Variants in DHRS7B observed in about 807,000 individuals in gnomAD.
The protein encoded by DHRS7B is dehydrogenase/reductase 7B.
In DHRS7B, 24 loss-of-function variants were observed where a neutral mutation model predicts 26.4. The ratio of observed to expected loss-of-function variants is 0.91; its 90% CI spans 0.66 to 1.28. The LOEUF is 1.28. DHRS7B is among the 50% of genes most tolerant of loss of function. The pLI, the probability that DHRS7B is intolerant of heterozygous loss-of-function variation, is 0.00. For synonymous variants in DHRS7B, 142 were observed against 166.4 expected (o/e 0.85, Z 1.13); for missense variants, 368 against 419.4 (o/e 0.88, Z 1.07).
chr17:21,149,641 G>A (rs1164021327), intron 1 of DHRS7B, among the ~76,000 whole-genome samples: 1 of 151,656 alleles, frequency 6.6e-6, no homozygotes, highest in Non-Finnish European at 1.5e-5. Context: ...AGTGTAGAGG[G>A]AGTTTTTTAA....
At chr17:21,173,128 A>T (rs918154784) in intron 2 of DHRS7B, among the ~76,000 whole-genome samples, 2 of 152,244 alleles carry the variant, frequency 1.3e-5, no homozygotes, top group African/African-American at 4.8e-5. Context: ...GAACAAACAG[A>T]TGAAAGACAG....
chr17:21,178,009 C>T (rs947733936), intron 2 of DHRS7B, among the ~76,000 whole-genome samples: 2 of 152,232 alleles, frequency 1.3e-5, no homozygotes, highest in Non-Finnish European at 2.9e-5. Context: ...ATACTTAACA[C>T]ATCTGTCCAC....
At chr17:21,190,923 G>A (rs1974763112) in intron 6 of DHRS7B, 25 bp from the exon 7 acceptor site, 2 of 1,612,036 alleles carry the variant, frequency 1.2e-6, no homozygotes, top group South Asian at 1.1e-5. Flanking sequence ...AAGTTCATGT[G>A]TTTCTTTTGT....
chr17:21,151,001 C>T (rs894082081), intron 1 of DHRS7B, among the ~76,000 whole-genome samples: 4 of 152,108 alleles, frequency 2.6e-5, no homozygotes, highest in Non-Finnish European at 5.9e-5. Flanking sequence ...TTTGTGAGCT[C>T]CAAGTAGGAC....
chr17:21,147,917 G>A (rs1458220867), intron 1 of DHRS7B, among the ~76,000 whole-genome samples: 1 of 152,044 alleles, frequency 6.6e-6, no homozygotes, highest in Non-Finnish European at 1.5e-5. Context: ...AGTGTGGGAG[G>A]ATCAAGAATT....
intron 1 of DHRS7B, among the ~76,000 whole-genome samples, chr17:21,138,085 T>TACACACAC (rs1567616058): frequency 2.3e-4 from 15 of 65,140 alleles, no homozygotes; most frequent in African/African-American, 8.2e-4. Context: ...AATATATATA[T>TACACACAC]ATATATATAT....
chr17:21,179,885 G>T (rs1290026275), intron 3 of DHRS7B, among the ~76,000 whole-genome samples: 1 of 151,310 alleles, frequency 6.6e-6, no homozygotes, highest in Non-Finnish European at 1.5e-5. Context: ...TCCTGCCTCA[G>T]CCTCCCAAGT....
chr17:21,171,631 G>C (rs1006041407), intron 1 of DHRS7B: 1 of 326,584 alleles, frequency 3.1e-6, no homozygotes, highest in African/African-American at 2.1e-5. Flanking sequence ...AAGTATTCAG[G>C]GATTGAAAAT....
At chr17:21,157,766 C>T (rs1179796478) in intron 1 of DHRS7B, among the ~76,000 whole-genome samples, 3 of 151,852 alleles carry the variant, frequency 2.0e-5, no homozygotes, top group African/African-American at 7.3e-5. Context: ...CTTTGGGAGG[C>T]AAAATGGTGA....
rs577733383 is a variant in DHRS7B, at chr17:21,188,790, C to T, written c.699C>T (p.Thr233=). 9.9e-6 allele frequency: 16 copies of T among 1,614,026 alleles called. 1 individual carries two copies. In the South Asian group the frequency reaches 1.6e-4, roughly 17 times the overall value. ...AEMEQYEIEV[T]VISPGYIHTN... The stretch of plus-strand genomic sequence containing the variant: ...TGGAACAGTATGAAATTGAGGTGAC[C>T]GTCATCAGCCCCGGCTACATCCACA... Residue 233 remains threonine (T), a synonymous_variant, in exon 6 of 7, where the codon ACC becomes ACT. Transcript: ENST00000395511.
intron 1 of DHRS7B, among the ~76,000 whole-genome samples, chr17:21,137,714 C>T (rs1452251369): frequency 1.3e-5 from 2 of 151,990 alleles, no homozygotes; most frequent in African/African-American, 4.8e-5. Flanking sequence ...GCCTCGGCCT[C>T]CCAAAGTGCT....
chr17:21,152,151 TG>T (rs1973786007), intron 1 of DHRS7B, among the ~76,000 whole-genome samples: 1 of 152,120 alleles, frequency 6.6e-6, no homozygotes, highest in African/African-American at 2.4e-5. Context: ...CTTCGGGTGT[TG>T]TTTTTTTATT....
intron 1 of DHRS7B, among the ~76,000 whole-genome samples, chr17:21,164,288 C>T (rs1597746018): frequency 1.3e-5 from 2 of 152,044 alleles, no homozygotes; most frequent in East Asian, 1.9e-4. Context: ...GCCTCAGCCT[C>T]CTGAGTAGCT....
Position 21,155,799 on chromosome 17 carries a change from C to A in DHRS7B, c.21-16219C>A, listed in dbSNP as rs184735460. The stretch of plus-strand genomic sequence containing the variant: ...ACCACGATGGAATTGAACTAGAAAT[C>A]AGTAACAGAAAGATAACTGGAAATC... On this transcript the variant is annotated intron_variant, in intron 1 of 6. Transcript: ENST00000395511. Among the ~76,000 whole-genome samples, 26 of 152,200 alleles carry A rather than the reference C, an allele frequency of 1.7e-4. No homozygotes were observed. The East Asian group carries it at 4.8e-3, about 28-fold the overall frequency.
chr17:21,162,924 A>G (rs909208224), intron 1 of DHRS7B, among the ~76,000 whole-genome samples: 1 of 152,188 alleles, frequency 6.6e-6, no homozygotes, highest in Admixed American at 6.5e-5. Context: ...GGCCGGGCAC[A>G]GTGGCTCACG....
intron 1 of DHRS7B, among the ~76,000 whole-genome samples, chr17:21,138,075 A>AAAAAAAAATATATATATAT (rs1238830544): frequency 3.0e-5 from 1 of 33,230 alleles, no homozygotes; most frequent in African/African-American, 1.4e-4. Flanking sequence ...TTAAAAAAAA[A>AAAAAAAAATATATATATAT]ATATATATAT....
At chr17:21,178,365 A>G (rs1359741286) in intron 3 of DHRS7B, 23 bp downstream of exon 3, 3 of 1,601,288 alleles carry the variant, frequency 1.9e-6, no homozygotes, top group Non-Finnish European at 2.6e-6. Context: ...CGTGCTTTCC[A>G]TGGGGAAGGA....
intron 2 of DHRS7B, among the ~76,000 whole-genome samples, chr17:21,172,721 T>C (rs1463274468): frequency 6.6e-6 from 1 of 152,068 alleles, no homozygotes; most frequent in East Asian, 1.9e-4. Flanking sequence ...CTAGACAAGG[T>C]CAAAGACAGA....
At chr17:21,136,009 G>C (rs1032472502) in intron 1 of DHRS7B, among the ~76,000 whole-genome samples, 5 of 152,050 alleles carry the variant, frequency 3.3e-5, no homozygotes, top group African/African-American at 1.2e-4. Flanking sequence ...TTAAGATTTA[G>C]CAAGACTGGC....
Sources: gnomAD v4.1 joint callset for allele counts (sites outside exome capture counted in the v4.1 genomes callset) on GRCh38, gnomAD v4.1.1 for gene constraint, MANE v1.5 for transcripts, NCBI Gene and HGNC (gene_info 2026-07-23, HGNC 2026-07-21) for gene names.